The following PRKCI variants were observed in gnomAD, a reference collection of about 807,000 sequenced individuals.
The protein encoded by PRKCI is protein kinase C iota type.
In PRKCI, 43 loss-of-function variants were observed where a neutral mutation model predicts 84.0. The ratio of observed to expected loss-of-function variants is 0.51; its 90% CI spans 0.40 to 0.66. The LOEUF (loss-of-function observed/expected upper bound fraction) is 0.66. Ranked by LOEUF, PRKCI falls within the 30% of genes least tolerant of loss-of-function variation. The pLI is 0.00. For synonymous variants in PRKCI, 216 were observed against 234.4 expected, an observed-to-expected ratio of 0.92 and a Z score of 0.72; for missense variants, 459 against 745.6, an observed-to-expected ratio of 0.62 and a Z score of 4.48.
chr3:170,287,178 T>A (rs1044535364), intron 12 of PRKCI, among the ~76,000 whole-genome samples: 3 of 151,538 alleles, frequency 2.0e-5, no homozygotes, highest in African/African-American at 7.3e-5. Flanking sequence ...CTACAAAAAA[T>A]AGGAAAATTA....
intron 4 of PRKCI, 95 bp downstream of exon 4, chr3:170,263,524 G>T: frequency 1.9e-6 from 2 of 1,052,068 alleles, no homozygotes; most frequent in Non-Finnish European, 2.9e-6. Flanking sequence ...GCTAGGTGCA[G>T]TGGACAGTGG....
At chr3:170,232,620 C>T (rs1007040953) in intron 1 of PRKCI, among the ~76,000 whole-genome samples, 2 of 151,382 alleles carry the variant, frequency 1.3e-5, no homozygotes, top group African/African-American at 4.9e-5. Context: ...AAGCTGAAGT[C>T]CAATGGCTCG....
chr3:170,281,481 C>T, intron 10 of PRKCI: 1 of 445,450 alleles, frequency 2.2e-6, no homozygotes. Flanking sequence ...CAGGAAATAG[C>T]CATGTCGTAA....
At chr3:170,281,830 T>TA in intron 10 of PRKCI, 52 bp from the exon 11 acceptor site, 1 of 1,532,652 alleles carries the variant, frequency 6.5e-7, no homozygotes, top group South Asian at 1.3e-5. Context: ...AATGCAAAGT[T>TA]ACACTACCTT....
At chr3:170,253,932 A>G (rs1258544650) in intron 2 of PRKCI, among the ~76,000 whole-genome samples, 1 of 151,936 alleles carries the variant, frequency 6.6e-6, no homozygotes, top group East Asian at 1.9e-4. Context: ...CCCTGTCTCT[A>G]CTAAAACTAC....
intron 2 of PRKCI, among the ~76,000 whole-genome samples, chr3:170,254,565 TA>T (rs1247827634): frequency 6.9e-6 from 1 of 145,426 alleles, no homozygotes; most frequent in African/African-American, 2.6e-5. Context: ...TTGACAGTCT[TA>T]TTTATTGAAG....
chr3:170,223,794 T>C (rs1798241), intron 1 of PRKCI, among the ~76,000 whole-genome samples: 79,136 of 151,426 alleles, frequency 0.52, 21,064 homozygotes, highest in East Asian at 0.73. Flanking sequence ...GTTGAAATTT[T>C]AATGCATACT....
intron 6 of PRKCI, among the ~76,000 whole-genome samples, chr3:170,273,001 G>T (rs192178411): frequency 1.7e-3 from 263 of 152,250 alleles, no homozygotes; most frequent in African/African-American, 6.0e-3. Context: ...GGAAGAATAG[G>T]TAGTGTTGAA....
chr3:170,228,850 G>A (rs1266631133), intron 1 of PRKCI, among the ~76,000 whole-genome samples: 2 of 151,950 alleles, frequency 1.3e-5, no homozygotes, highest in African/African-American at 4.8e-5. Context: ...ACCTGTACCC[G>A]ATAGGTATTT....
chr3:170,237,280 T>A (rs1733003734), intron 2 of PRKCI, among the ~76,000 whole-genome samples: 1 of 152,136 alleles, frequency 6.6e-6, no homozygotes, highest in South Asian at 2.1e-4. Context: ...ATACAGAAAT[T>A]TGTTTGAGAA....
Position 170,257,662 on chromosome 3 carries a change from ATT to A in PRKCI, c.224-2289_224-2288del, listed in dbSNP as rs11362547. 4.8e-3 allele frequency among the ~76,000 whole-genome samples: 588 copies of A among 121,794 alleles called. 4 individuals are homozygous for A. Among genetic ancestry groups the A allele is most frequent in the Middle Eastern group, 0.012 (3 of 244 alleles). The allele number at this position is 121,794 out of a possible 152,430, so 79.9% of individuals were successfully genotyped here. A position where few individuals can be genotyped will look rare whatever the true frequency, so the allele number is the denominator to read the frequency against. On this transcript the variant is annotated intron_variant, in intron 2 of 17. Coordinates refer to ENST00000295797, the MANE Select transcript of PRKCI (RefSeq NM_002740.6). Reference sequence around the variant, plus strand: ...AGTGTCAATCTGAATGGGAAAGAGAATTTTTTTTTTTTTTTTTTTGAGACAAA... The same window carrying A: ...AGTGTCAATCTGAATGGGAAAGAGAATTTTTTTTTTTTTTTTTGAGACAAA...
intron 1 of PRKCI, among the ~76,000 whole-genome samples, chr3:170,233,385 T>C (rs1473204677): frequency 1.3e-5 from 2 of 152,022 alleles, no homozygotes; most frequent in Non-Finnish European, 1.5e-5. Flanking sequence ...AATTTGCCAT[T>C]TTGGGAATCT....
chr3:170,252,656 T>C (rs1733483767), intron 2 of PRKCI, among the ~76,000 whole-genome samples: 1 of 151,884 alleles, frequency 6.6e-6, no homozygotes, highest in African/African-American at 2.4e-5. Context: ...TGGAGTATAG[T>C]AGCATGATCA....
chr3:170,245,553 G>A lies in PRKCI; in HGVS notation c.223+10202G>A, dbSNP rs1201492153. On this transcript the variant is annotated intron_variant, in intron 2 of 17. Transcript: ENST00000295797. ...ATCATCTGCTCCAGTATCTGGGAAG[G>A]TCTGTCCTCCTCATTGGCATCCCGT... Among the ~76,000 whole-genome samples the A allele has an allele frequency of 2.0e-5, 3 of 152,056 alleles. No homozygotes were observed. The East Asian group carries it at 5.8e-4, about 29-fold the overall frequency.
intron 1 of PRKCI, among the ~76,000 whole-genome samples, chr3:170,229,169 A>G (rs1732723801): frequency 6.6e-6 from 1 of 152,232 alleles, no homozygotes. Context: ...GTGCATACAC[A>G]CACACAGACA....
rs1732518889 is a variant in PRKCI at position 170,222,676 on chromosome 3, A to G, written c.7A>G (p.Thr3Ala). The G allele has an allele frequency of 6.3e-7, 1 of 1,593,506 alleles. No individual in the cohort carries two copies. Among genetic ancestry groups the G allele is most frequent in the African/African-American group, 1.3e-5 (1 of 74,084 alleles). The change falls in exon 1 of 18, where the codon ACC becomes GCC. Residue 3 changes from threonine to alanine, a missense_variant. Thr to Ala is a moderately conservative substitution (Grantham distance 58). This residue lies in a region of PRKCI where 250 missense variants were observed against 319.7 expected (regional missense o/e 0.78). Coordinates refer to ENST00000295797, the MANE Select transcript of PRKCI (RefSeq NM_002740.6). ...GAGGCGGGGGAGTGAGGAGATGCCGACCCAGAGGGACAGCAGCACCATGTC... is the reference window on the plus strand; with the variant it reads ...GAGGCGGGGGAGTGAGGAGATGCCGGCCCAGAGGGACAGCAGCACCATGTC... MP[T>A]QRDSSTMSHT...
At chr3:170,298,831 A>T (rs1734750574) in intron 16 of PRKCI, among the ~76,000 whole-genome samples, 164 bp from the exon 17 acceptor site, 1 of 152,134 alleles carries the variant, frequency 6.6e-6, no homozygotes, top group African/African-American at 2.4e-5. Context: ...GTGAGCCGCC[A>T]TGCCCAGCTC....
chr3:170,295,008 G>C (rs1240302340), intron 14 of PRKCI, among the ~76,000 whole-genome samples: 1 of 150,222 alleles, frequency 6.7e-6, no homozygotes, highest in Non-Finnish European at 1.5e-5. Flanking sequence ...TTAGGAGTTT[G>C]AGACCAGCCT....
At chr3:170,266,732 C>T (rs1733864260) in intron 4 of PRKCI, among the ~76,000 whole-genome samples, 2 of 152,188 alleles carry the variant, frequency 1.3e-5, no homozygotes, top group African/African-American at 4.8e-5. Flanking sequence ...GTGGCCCATG[C>T]CTGTAATCCC....
Sources: allele counts gnomAD v4.1 joint callset (sites outside exome capture counted in the v4.1 genomes callset), GRCh38; gene constraint gnomAD v4.1.1; regional missense constraint gnomAD v4.1.1; transcripts MANE v1.5; gene names NCBI Gene and HGNC (gene_info 2026-07-23, HGNC 2026-07-21).